SHBG: variants seen among roughly 807,000 people sequenced by gnomAD.
SHBG encodes sex hormone-binding globulin.
Under a neutral mutation model 41.9 loss-of-function variants are expected in SHBG, and 37 were observed. The ratio of observed to expected loss-of-function variants is 0.88; its 90% CI spans 0.68 to 1.16. SHBG has a LOEUF of 1.16. Ranked by LOEUF, SHBG falls within the 50% of genes most tolerant of loss-of-function variation. The pLI is 0.00. For missense variants in SHBG, 466 were observed against 499.9 expected (o/e 0.93, Z 0.65); for synonymous variants, 217 against 205.8 (o/e 1.05, Z -0.47).
At chr17:7,627,826 G>A (rs572763211), upstream of SHBG, 1 of 678,896 alleles carries the variant, frequency 1.5e-6, no homozygotes, top group East Asian at 2.7e-5. This position sits in a 1 kb window ranked among gnomAD's most constrained non-coding sequence, Gnocchi z 4.8. Context: ...GGAGAGAGTA[G>A]GCCAGCGAGG....
At chr17:7,626,189 CAAAA>C (rs370938874), upstream of SHBG, 1,224 of 232,300 alleles carry the variant, frequency 5.3e-3, no homozygotes, top group East Asian at 8.5e-3. Context: ...GACTCTGTCT[CAAAA>C]AAAAAAAAAA....
At chr17:7,627,692 C>T, upstream of SHBG, 1 of 1,593,406 alleles carries the variant, frequency 6.3e-7, no homozygotes, top group Non-Finnish European at 8.6e-7. The surrounding 1 kb of genome is among the most constrained non-coding windows in gnomAD (Gnocchi z 4.8). Flanking sequence ...GCAACTAGAC[C>T]CCTTAAAGGG....
upstream of SHBG, chr17:7,627,560 C>T: frequency 2.5e-6 from 4 of 1,608,534 alleles, no homozygotes; most frequent in Non-Finnish European, 3.4e-6. This position sits in a 1 kb window ranked among gnomAD's most constrained non-coding sequence, Gnocchi z 4.8. Flanking sequence ...TACCGGCCTG[C>T]AGTCTTCACC....
chr17:7,620,017 G>A (rs2072061681), intron 1 of SHBG, among the ~76,000 whole-genome samples: 1 of 150,786 alleles, frequency 6.6e-6, no homozygotes, highest in Non-Finnish European at 1.5e-5. Context: ...GTTAAGGCCA[G>A]AAGTTCATGG....
At chr17:7,632,393 A>G (rs908531424) in intron 6 of SHBG, among the ~76,000 whole-genome samples, 4 of 152,178 alleles carry the variant, frequency 2.6e-5, no homozygotes, top group East Asian at 3.9e-4. Context: ...GCAGTGAGCT[A>G]TGATGTGCCA....
At chr17:7,619,526 T>A (rs977165906) in intron 1 of SHBG, among the ~76,000 whole-genome samples, 2 of 149,486 alleles carry the variant, frequency 1.3e-5, no homozygotes, top group African/African-American at 4.9e-5. Context: ...ACCAACATGG[T>A]GAAACCCCAT....
Position 7,630,319 on chromosome 17 carries a change from T to A in SHBG, c.111+36T>A. On this transcript the variant is annotated intron_variant, in intron 1 of 7. Coordinates refer to ENST00000380450, the MANE Select transcript of SHBG (RefSeq NM_001040.5). This position sits in a 1 kb window ranked among gnomAD's most constrained non-coding sequence, Gnocchi z 4.6. ...GGGACAGGGCACTCAGCTCATGCAG[T>A]CTTCCCTTCTCTCCTCTGGCCCTGT... is the stretch of plus-strand genomic sequence containing the variant. 1 of 1,588,948 alleles carries A rather than the reference T, an allele frequency of 6.3e-7. No homozygotes were observed. The highest frequency in any genetic ancestry group is 1.1e-5 in the South Asian group (1 of 90,550).
Position 7,631,378 on chromosome 17 carries a change from G to C in SHBG, c.555+17G>C. 6.2e-7 allele frequency: 1 copy of C among 1,610,832 alleles called. No homozygotes were observed. The highest frequency in any genetic ancestry group is 8.5e-7 in the Non-Finnish European group (1 of 1,178,814). On this transcript the variant is annotated intron_variant, in intron 4 of 7. Transcript: ENST00000380450. Reference sequence around the variant, plus strand: ...CGGTTGCCGGTAACTACACCCCAGGGGTGGAACCCTAGCCAAGACTTGGTA... The same window carrying C: ...CGGTTGCCGGTAACTACACCCCAGGCGTGGAACCCTAGCCAAGACTTGGTA...
At chr17:7,617,831 C>A (rs1268125936) in intron 1 of SHBG, among the ~76,000 whole-genome samples, 2 of 152,148 alleles carry the variant, frequency 1.3e-5, no homozygotes, top group Non-Finnish European at 2.9e-5. Context: ...TGCCTGTAAT[C>A]CTGGCACTTT....
At chr17:7,625,201 G>A (rs1464276354), upstream of SHBG, among the ~76,000 whole-genome samples, 3 of 151,420 alleles carry the variant, frequency 2.0e-5, no homozygotes, top group East Asian at 1.9e-4. Flanking sequence ...GACCCGCCTC[G>A]GCCTCCCAAA....
At chr17:7,632,189 G>A in intron 6 of SHBG, 174 bp downstream of exon 6, 1 of 716,696 alleles carries the variant, frequency 1.4e-6, no homozygotes, top group Non-Finnish European at 2.4e-6. Context: ...GTGCTTGCCT[G>A]TAATCCCAGG....
At chr17:7,631,125 T>G in intron 3 of SHBG, 75 bp from the exon 4 acceptor site, 2 of 1,415,206 alleles carry the variant, frequency 1.4e-6, no homozygotes, top group South Asian at 1.4e-5. Flanking sequence ...TCCACTATAG[T>G]ACTAGGCTGC....
chr17:7,630,488 G>C lies in SHBG; in HGVS notation c.184G>C (p.Asp62His), dbSNP rs1371149614. The C allele has an allele frequency of 6.2e-7, 1 of 1,614,036 alleles. No individual in the cohort carries two copies. Among genetic ancestry groups the C allele is most frequent in the Admixed American group, 1.7e-5 (1 of 60,010 alleles). Reference protein sequence around the residue: ...GQEPIAVMTFDLTKITKTSSS... With the variant: ...GQEPIAVMTFHLTKITKTSSS... Reference sequence around the variant, plus strand: ...AGAGCCTATCGCTGTCATGACCTTTGACCTCACCAAGATCACAAAGTATGG... The same window carrying C: ...AGAGCCTATCGCTGTCATGACCTTTCACCTCACCAAGATCACAAAGTATGG... The change falls in exon 2 of 8, where the codon GAC becomes CAC. Residue 62 changes from aspartate to histidine, a missense_variant. By Grantham distance (81) the Asp-to-His change is moderately conservative. Transcript: ENST00000380450. The surrounding 1 kb of genome is among the most constrained non-coding windows in gnomAD (Gnocchi z 4.6).
At chr17:7,625,365 CAGG>C (rs1319411502), upstream of SHBG, among the ~76,000 whole-genome samples, 1 of 149,322 alleles carries the variant, frequency 6.7e-6, no homozygotes, top group Non-Finnish European at 1.5e-5. Flanking sequence ...ATCACGAGGT[CAGG>C]AGATCGAGAC....
intron 1 of SHBG, among the ~76,000 whole-genome samples, chr17:7,615,301 CTT>C (rs914580705): frequency 3.3e-5 from 5 of 152,102 alleles, no homozygotes; most frequent in African/African-American, 1.2e-4. Context: ...TGCTTGGTCA[CTT>C]TCCCCACCTT....
At chr17:7,627,103 C>T (rs369670856), upstream of SHBG, 9 of 1,613,072 alleles carry the variant, frequency 5.6e-6, no homozygotes, top group Admixed American at 6.7e-5. This position sits in a 1 kb window ranked among gnomAD's most constrained non-coding sequence, Gnocchi z 4.8. Flanking sequence ...CCTCTGAGGC[C>T]GGCTGGAGAG....
Position 7,631,297 on chromosome 17 carries a change from G to T in SHBG, c.491G>T (p.Arg164Leu), listed in dbSNP as rs757387252. ...GTCTCTGGGCCCCTGACCAGCAAACGCCATCCCATCATGAGGATTGCGCTT... is the reference window on the plus strand; with the variant it reads ...GTCTCTGGGCCCCTGACCAGCAAACTCCATCCCATCATGAGGATTGCGCTT... ...RQVSGPLTSK[R>L]HPIMRIALGG... is the part of the protein sequence containing the mutation. The change falls in exon 4 of 8, where the codon CGC becomes CTC. Residue 164 changes from arginine to leucine, a missense_variant. Arg to Leu is a moderately radical substitution (Grantham distance 102). Coordinates refer to ENST00000380450, the MANE Select transcript of SHBG (RefSeq NM_001040.5). The T allele has an allele frequency of 1.2e-6, 2 of 1,613,862 alleles. No homozygotes were observed. The highest frequency in any genetic ancestry group is 1.7e-6 in the Non-Finnish European group (2 of 1,179,926).
At chr17:7,625,172 C>T (rs962908961), upstream of SHBG, among the ~76,000 whole-genome samples, 2 of 151,894 alleles carry the variant, frequency 1.3e-5, no homozygotes, top group African/African-American at 4.8e-5. Flanking sequence ...TGCTCTTGAA[C>T]TCCTGACCTC....
chr17:7,625,640 C>T (rs1317924711), upstream of SHBG, among the ~76,000 whole-genome samples: 1 of 151,882 alleles, frequency 6.6e-6, no homozygotes, highest in Non-Finnish European at 1.5e-5. Flanking sequence ...CCTGTAATCC[C>T]AGCACTTTGG....
Sources: allele counts gnomAD v4.1 joint callset (sites outside exome capture counted in the v4.1 genomes callset), GRCh38; gene constraint gnomAD v4.1.1; non-coding constraint Gnocchi (gnomAD v3.1); transcripts MANE v1.5; gene names NCBI Gene and HGNC (gene_info 2026-07-23, HGNC 2026-07-21).